ATM: variants seen among roughly 807,000 people sequenced by gnomAD.
ATM encodes ATM serine/threonine kinase.
A neutral mutation model predicts 387.0 loss-of-function variants in ATM; 308 were observed. That is an observed-to-expected ratio of 0.80 (90% CI 0.73 to 0.87). The LOEUF is 0.87. Ranked by LOEUF, ATM falls within the 40% of genes least tolerant of loss-of-function variation. The probability of loss-of-function intolerance (pLI) is 0.00; values close to 1 mark genes in which losing one functional copy is unlikely to be tolerated. For synonymous variants in ATM, 1,156 were observed against 1,187.3 expected, an observed-to-expected ratio of 0.97 and a Z score of 0.54; for missense variants, 3,312 against 3,560.9, an observed-to-expected ratio of 0.93 and a Z score of 1.78.
In ATM at chr11:108,332,792, T is replaced by C. The variant is rs1459650575; in HGVS notation, c.7819T>C (p.Cys2607Arg). 3 of 1,613,350 alleles carry C rather than the reference T, an allele frequency of 1.9e-6. No individual in the cohort carries two copies. The highest frequency in any genetic ancestry group is 2.5e-6 in the Non-Finnish European group (3 of 1,179,744). ...DRTEAANRIICTIRSRRPQMV... is the reference protein window; with the variant it reads ...DRTEAANRIIRTIRSRRPQMV... ...AACAGAGGCTGCAAATAGAATAATA[T>C]GTACTATCAGAAGTAGGAGACCTCA... The change falls in exon 53 of 63, where the codon TGT (cysteine) becomes CGT (arginine). Residue 2607 changes from cysteine to arginine, a missense_variant. Cys to Arg is a radical substitution (Grantham distance 180). Coordinates refer to ENST00000675843, the MANE Select transcript of ATM (RefSeq NM_000051.4).
chr11:108,310,153 T>G lies in ATM; in HGVS notation c.5763-7T>G. 1 of 1,612,248 alleles carries G rather than the reference T, an allele frequency of 6.2e-7. No homozygotes were observed. Among genetic ancestry groups the G allele is most frequent in the Non-Finnish European group, 8.5e-7 (1 of 1,178,734 alleles). ...AGTGAATGACATTATATCTCATTTT[T>G]CTTTAGACCTTCTTCAGGAACAATT... On this transcript the variant is annotated splice_polypyrimidine_tract_variant and splice_region_variant and intron_variant, in intron 38 of 62. Coordinates refer to ENST00000675843, the MANE Select transcript of ATM (RefSeq NM_000051.4).
chr11:108,253,844 T>G lies in ATM; in HGVS notation c.1929T>G (p.Leu643=), dbSNP rs876659911. 5 of 1,613,690 alleles carry G rather than the reference T, an allele frequency of 3.1e-6. No homozygotes were observed. ...CEHHQKDKEE[L]SFSEVEELFL... is the part of the protein sequence containing the mutation. Reference sequence around the variant, plus strand: ...ACCACCAAAAAGATAAAGAAGAACTTTCATTCTCAGAAGTAGAAGAACTAT... The same window carrying G: ...ACCACCAAAAAGATAAAGAAGAACTGTCATTCTCAGAAGTAGAAGAACTAT... Residue 643 remains leucine (L), a synonymous_variant, in exon 13 of 63, where the codon CTT becomes CTG. Coordinates refer to ENST00000675843, the MANE Select transcript of ATM (RefSeq NM_000051.4).
Position 108,332,751 on chromosome 11 carries a change from T to C in ATM, c.7789-11T>C. 1 of 1,611,172 alleles carries C rather than the reference T, an allele frequency of 6.2e-7. No individual in the cohort carries two copies. Among genetic ancestry groups the C allele is most frequent in the Non-Finnish European group, 8.5e-7 (1 of 1,179,326 alleles). ...GTTCCTTATGTAATGTTTTTTGTTT[T>C]TTATTAATAGGATCGAACAGAGGCT... On this transcript the variant is annotated splice_polypyrimidine_tract_variant and intron_variant, in intron 52 of 62. Coordinates refer to ENST00000675843, the MANE Select transcript of ATM (RefSeq NM_000051.4).
chr11:108,353,863 T>C lies in ATM; in HGVS notation c.8769T>C (p.Val2923=), dbSNP rs1591307335. The C allele has an allele frequency of 6.2e-7, 1 of 1,613,350 alleles. No homozygotes were observed. Among genetic ancestry groups the C allele is most frequent in the African/African-American group, 1.3e-5 (1 of 75,008 alleles). ...TGGATGGCATGGGCATTACGGGTGT[T>C]GAAGGTGTCTTCAGAAGGTAAGTGA... The part of the protein sequence containing the change: ...DIVDGMGITG[V]EGVFRRCCEK... Residue 2923 remains valine (V), a synonymous_variant, in exon 60 of 63, where the codon GTT becomes GTC. Coordinates refer to ENST00000675843, the MANE Select transcript of ATM (RefSeq NM_000051.4).
chr11:108,232,124 C>T (rs2079044230), intron 4 of ATM, among the ~76,000 whole-genome samples: 1 of 152,198 alleles, frequency 6.6e-6, no homozygotes, highest in South Asian at 2.1e-4. Context: ...TTAATTGCAA[C>T]ATTAACAATG....
chr11:108,326,343 C>A (rs1433575586), intron 47 of ATM, 118 bp downstream of exon 47: 15 of 1,332,658 alleles, frequency 1.1e-5, no homozygotes, highest in Non-Finnish European at 1.5e-5. Flanking sequence ...AATTTATTAA[C>A]AAGATATTGT....
At chr11:108,290,741 G>C (rs1215545855) in intron 29 of ATM, 1 of 148,680 alleles carries the variant, frequency 6.7e-6, no homozygotes, top group Admixed American at 6.7e-5. Context: ...AGGATGGCTT[G>C]AGCTCAAGAG....
chr11:108,323,511 C>T (rs536619981), intron 45 of ATM, among the ~76,000 whole-genome samples: 13 of 152,174 alleles, frequency 8.5e-5, no homozygotes, highest in African/African-American at 2.4e-4. Context: ...CTGTAGTTAA[C>T]AGTAATTTAC....
intron 61 of ATM, among the ~76,000 whole-genome samples, chr11:108,359,625 A>T (rs1591352148): frequency 6.6e-6 from 1 of 152,346 alleles, no homozygotes; most frequent in East Asian, 1.9e-4. Flanking sequence ...TCAAACTAGA[A>T]CTCAGGATTA....
chr11:108,240,026 A>G (rs1294923664), intron 5 of ATM, among the ~76,000 whole-genome samples: 1 of 152,202 alleles, frequency 6.6e-6, no homozygotes, highest in Non-Finnish European at 1.5e-5. Context: ...TCCACTGGAC[A>G]CACACAGCAT....
In ATM at chr11:108,267,344, T is replaced by C. The variant is rs587779826; in HGVS notation, c.2638+2T>C. On this transcript the variant is annotated splice_donor_variant, in intron 17 of 62. Transcript: ENST00000675843. LOFTEE classifies it high-confidence loss of function. ...CTGGAGAGAGCCAAAGTACCATAGG[T>C]AAATACATATTTACTACTTGGGATT... 5 of 1,613,592 alleles carry C rather than the reference T, an allele frequency of 3.1e-6. No individual in the cohort carries two copies. The highest frequency in any genetic ancestry group is 1.1e-5 in the South Asian group (1 of 91,054).
intron 5 of ATM, among the ~76,000 whole-genome samples, chr11:108,240,388 A>G (rs1256548284): frequency 6.6e-6 from 1 of 152,168 alleles, no homozygotes; most frequent in Non-Finnish European, 1.5e-5. Context: ...CTTTTCCAGC[A>G]TGTCATATAC....
intron 45 of ATM, among the ~76,000 whole-genome samples, chr11:108,324,409 C>A (rs2085456745): frequency 6.6e-6 from 1 of 151,980 alleles, no homozygotes; most frequent in South Asian, 2.1e-4. Flanking sequence ...TAAATTAATA[C>A]ATTTTAGATT....
intron 6 of ATM, among the ~76,000 whole-genome samples, chr11:108,244,472 A>G (rs939917879): frequency 6.6e-6 from 1 of 152,180 alleles, no homozygotes; most frequent in Non-Finnish European, 1.5e-5. Flanking sequence ...GTACATTAGT[A>G]TGGCAGTACT....
At chr11:108,242,908 ATTTG>A (rs2079636286) in intron 5 of ATM, among the ~76,000 whole-genome samples, 1 of 152,140 alleles carries the variant, frequency 6.6e-6, no homozygotes, top group South Asian at 2.1e-4. Flanking sequence ...TGTCATGCTA[ATTTG>A]TTAGGTTACA....
chr11:108,229,108 A>G, intron 3 of ATM, 70 bp from the exon 4 acceptor site: 1 of 1,509,232 alleles, frequency 6.6e-7, no homozygotes, highest in Non-Finnish European at 9.0e-7. Flanking sequence ...TGATGGCATG[A>G]ACAGCTTTTG....
intron 8 of ATM, among the ~76,000 whole-genome samples, 165 bp downstream of exon 8, chr11:108,247,292 TTTAAC>T (rs1433822780): frequency 6.6e-6 from 1 of 152,230 alleles, no homozygotes; most frequent in Non-Finnish European, 1.5e-5. Context: ...GAATTACCCT[TTTAAC>T]TTAAAAGTTA....
chr11:108,300,481 C>A (rs756446330), intron 34 of ATM, among the ~76,000 whole-genome samples: 1 of 152,182 alleles, frequency 6.6e-6, no homozygotes, highest in Non-Finnish European at 1.5e-5. Context: ...TACTCCATCA[C>A]CACCATATTT....
intron 24 of ATM, among the ~76,000 whole-genome samples, chr11:108,281,615 T>C (rs1241570731): frequency 1.3e-5 from 2 of 152,234 alleles, no homozygotes; most frequent in Non-Finnish European, 2.9e-5. Context: ...CCAAGCCTTA[T>C]AATTACTACA....
Sources: gnomAD v4.1 joint callset for allele counts (sites outside exome capture counted in the v4.1 genomes callset) on GRCh38, gnomAD v4.1.1 for gene constraint, MANE v1.5 for transcripts, NCBI Gene and HGNC (gene_info 2026-07-23, HGNC 2026-07-21) for gene names.